Variants in CDH13 observed in about 807,000 individuals in gnomAD.
The protein encoded by CDH13 is cadherin-13.
A neutral mutation model predicts 63.8 loss-of-function variants in CDH13; 24 were observed. The observed-to-expected ratio is 0.38, with a 90% CI of 0.27 to 0.53. CDH13 has a LOEUF of 0.53. Ranked by LOEUF, CDH13 falls within the 20% of genes least tolerant of loss-of-function variation. The probability of loss-of-function intolerance (pLI) is 0.85; values close to 1 mark genes in which losing one functional copy is unlikely to be tolerated. For missense variants in CDH13, 1,049 were observed against 903.1 expected, an observed-to-expected ratio of 1.16 and a Z score of -2.07; for synonymous variants, 503 against 355.3, an observed-to-expected ratio of 1.42 and a Z score of -4.67.
At chr16:83,598,411 G>C (rs944181450) in intron 7 of CDH13, among the ~76,000 whole-genome samples, 2 of 151,998 alleles carry the variant, frequency 1.3e-5, no homozygotes, top group African/African-American at 4.8e-5. Flanking sequence ...AACTTTCCCT[G>C]GCTACAAAAA....
intron 4 of CDH13, among the ~76,000 whole-genome samples, chr16:83,129,741 C>T (rs2035969376): frequency 1.3e-5 from 2 of 152,194 alleles, no homozygotes; most frequent in Admixed American, 1.3e-4. Flanking sequence ...TGGAGGAGAA[C>T]CTTAGACAAA....
intron 7 of CDH13, among the ~76,000 whole-genome samples, chr16:83,543,320 C>T (rs1168963254): frequency 6.6e-6 from 1 of 152,170 alleles, no homozygotes; most frequent in African/African-American, 2.4e-5. Context: ...CTTAGTGGGC[C>T]TTCATGCTTT....
intron 7 of CDH13, among the ~76,000 whole-genome samples, chr16:83,534,774 C>T (rs2075151973): frequency 6.6e-6 from 1 of 152,228 alleles, no homozygotes; most frequent in African/African-American, 2.4e-5. Context: ...AGCAATGCTG[C>T]TATGAGCATG....
intron 7 of CDH13, among the ~76,000 whole-genome samples, chr16:83,540,702 A>G (rs1434683314): frequency 6.6e-6 from 1 of 152,246 alleles, no homozygotes; most frequent in Admixed American, 6.5e-5. Flanking sequence ...CTCAAGTAGT[A>G]ACAGTAGTAA....
At chr16:83,167,500 A>C (rs1353966909) in intron 4 of CDH13, among the ~76,000 whole-genome samples, 22 of 27,068 alleles carry the variant, frequency 8.1e-4, no homozygotes, top group Admixed American at 2.3e-3. Context: ...ACCCTTTCCC[A>C]AAAAAAAAAA....
intron 1 of CDH13, among the ~76,000 whole-genome samples, chr16:82,690,016 A>AAAAAAAAAAAAT (rs1915481702): frequency 1.4e-5 from 2 of 142,316 alleles, no homozygotes. Context: ...AAAAAAAAAA[A>AAAAAAAAAAAAT]AATTAGCCAG....
At chr16:83,259,466 G>T (rs958227647) in intron 5 of CDH13, among the ~76,000 whole-genome samples, 2 of 152,090 alleles carry the variant, frequency 1.3e-5, no homozygotes, top group Non-Finnish European at 2.9e-5. Context: ...TTGTTTGGGT[G>T]GCCAGTGGAG....
chr16:83,368,032 T>C (rs544871527), intron 6 of CDH13, among the ~76,000 whole-genome samples: 1 of 152,358 alleles, frequency 6.6e-6, no homozygotes, highest in African/African-American at 2.4e-5. Context: ...TATTTGATGA[T>C]ATTGTAAATT....
chr16:83,278,921 A>G (rs2089076280), intron 5 of CDH13, among the ~76,000 whole-genome samples: 1 of 152,190 alleles, frequency 6.6e-6, no homozygotes, highest in South Asian at 2.1e-4. Flanking sequence ...CAGAATAACA[A>G]TAGCCAGCAT....
At chr16:83,359,923 C>G (rs770516215) in intron 6 of CDH13, among the ~76,000 whole-genome samples, 1 of 152,172 alleles carries the variant, frequency 6.6e-6, no homozygotes, top group Non-Finnish European at 1.5e-5. Context: ...AGAATGGAAC[C>G]CTGTAGCCAT....
At chr16:83,718,683 C>T (rs930769803) in intron 10 of CDH13, among the ~76,000 whole-genome samples, 1 of 152,158 alleles carries the variant, frequency 6.6e-6, no homozygotes, top group African/African-American at 2.4e-5. Flanking sequence ...AAATCCACCA[C>T]CACGATGGGT....
At chr16:83,780,288 T>C in intron 12 of CDH13, 87 bp downstream of exon 12, 5 of 809,622 alleles carry the variant, frequency 6.2e-6, no homozygotes, top group Non-Finnish European at 1.9e-6. Flanking sequence ...TACTGTTCTC[T>C]CAAGTATTCT....
chr16:83,645,824 T>A (rs534792370), intron 8 of CDH13, among the ~76,000 whole-genome samples: 3 of 152,224 alleles, frequency 2.0e-5, no homozygotes, highest in Non-Finnish European at 4.4e-5. Context: ...CAGGCTTGGT[T>A]TGCTTAGACA....
chr16:82,757,843 G>A (rs961113612), intron 1 of CDH13, among the ~76,000 whole-genome samples: 11 of 152,070 alleles, frequency 7.2e-5, no homozygotes, highest in African/African-American at 2.4e-5. Flanking sequence ...TAGAGACAGA[G>A]TTTCACCACG....
chr16:82,754,541 C>A (rs915932738), intron 1 of CDH13, among the ~76,000 whole-genome samples: 2 of 152,142 alleles, frequency 1.3e-5, no homozygotes, highest in African/African-American at 2.4e-5. Flanking sequence ...ATCAAACATT[C>A]ATTTTGCTTT....
intron 6 of CDH13, among the ~76,000 whole-genome samples, chr16:83,435,218 A>G (rs1296166564): frequency 2.0e-5 from 3 of 151,756 alleles, no homozygotes; most frequent in African/African-American, 7.3e-5. Flanking sequence ...GGCTAATTGT[A>G]TTTTTAGCAG....
intron 11 of CDH13, among the ~76,000 whole-genome samples, chr16:83,762,073 A>C (rs1476909094): frequency 1.3e-5 from 2 of 152,188 alleles, no homozygotes; most frequent in African/African-American, 2.4e-5. Flanking sequence ...AAAATAAAAT[A>C]AAAATAAAAT....
At chr16:83,181,610 C>T (rs2038350281) in intron 4 of CDH13, among the ~76,000 whole-genome samples, 1 of 152,114 alleles carries the variant, frequency 6.6e-6, no homozygotes, top group Non-Finnish European at 1.5e-5. Context: ...ATAAGAGAAA[C>T]TCAGGAAGGT....
chr16:82,669,963 C>T (rs1335060751), intron 1 of CDH13, among the ~76,000 whole-genome samples: 1 of 152,218 alleles, frequency 6.6e-6, no homozygotes, highest in Non-Finnish European at 1.5e-5. Flanking sequence ...TACATTTTCC[C>T]TTTAAAAGAT....
Sources: allele counts gnomAD v4.1 joint callset (sites outside exome capture counted in the v4.1 genomes callset), GRCh38; gene constraint gnomAD v4.1.1; transcripts MANE v1.5; gene names NCBI Gene and HGNC (gene_info 2026-07-23, HGNC 2026-07-21).